The following CBFA2T3 variants were observed in gnomAD, a reference collection of about 807,000 sequenced individuals.
CBFA2T3 encodes the protein transcriptional corepressor CBFA2T3.
A neutral mutation model predicts 58.6 loss-of-function variants in CBFA2T3; 31 were observed. The ratio of observed to expected loss-of-function variants is 0.53; its 90% CI spans 0.40 to 0.71. The LOEUF is 0.71. Among genes scored for constraint, CBFA2T3 ranks in the 30% least tolerant of loss-of-function variants. The pLI is 0.00. For synonymous variants in CBFA2T3, 531 were observed against 421.9 expected, an observed-to-expected ratio of 1.26 and a Z score of -3.17; for missense variants, 1,076 against 963.1, an observed-to-expected ratio of 1.12 and a Z score of -1.55.
rs116472680 is a variant in CBFA2T3 at position 88,890,707 on chromosome 16, T to G, written c.711+1175A>C. ...TCTCCCATGGGAATCACTGGCTTCATTCATTCATTCATTCATTCATTCGTT... is the reference window on the plus strand; with the variant it reads ...TCTCCCATGGGAATCACTGGCTTCAGTCATTCATTCATTCATTCATTCGTT... On this transcript the variant is annotated intron_variant, in intron 5 of 11. Transcript: ENST00000268679. 8.4e-3 allele frequency among the ~76,000 whole-genome samples: 1,245 copies of G among 148,422 alleles called. 23 individuals carry two copies. Among genetic ancestry groups the G allele is most frequent in the African/African-American group, 0.03 (1,184 of 39,966 alleles).
chr16:88,952,475 T>G (rs1972099975), intron 1 of CBFA2T3, among the ~76,000 whole-genome samples: 1 of 151,506 alleles, frequency 6.6e-6, no homozygotes, highest in African/African-American at 2.4e-5. Context: ...GTTGCCGCCC[T>G]CCAGTCCTTC....
At chr16:88,932,036 G>A (rs903786800) in intron 1 of CBFA2T3, among the ~76,000 whole-genome samples, 14 of 152,064 alleles carry the variant, frequency 9.2e-5, no homozygotes, top group Non-Finnish European at 1.6e-4. Context: ...GCATGCACAC[G>A]TGTGCACACC....
intron 1 of CBFA2T3, among the ~76,000 whole-genome samples, chr16:88,909,004 G>A (rs1027933930): frequency 3.3e-5 from 5 of 152,194 alleles, no homozygotes; most frequent in Non-Finnish European, 7.3e-5. Context: ...TTTGGAATAT[G>A]CTCCCGGGGA....
chr16:88,886,237 C>T, intron 5 of CBFA2T3, 95 bp from the exon 6 acceptor site: 1 of 895,828 alleles, frequency 1.1e-6, no homozygotes, highest in Non-Finnish European at 1.6e-6. Flanking sequence ...TGGCCGAAAG[C>T]TCAACTTGAC....
chr16:88,888,588 T>TGGGGGAGGGGG (rs1438066287), intron 5 of CBFA2T3, among the ~76,000 whole-genome samples: 1 of 3,160 alleles, frequency 3.2e-4, no homozygotes, highest in African/African-American at 1.3e-3. Flanking sequence ...GGGGGTGGGG[T>TGGGGGAGGGGG]GGGGTGGGGT....
chr16:88,906,961 G>T (rs1006753802), intron 1 of CBFA2T3, among the ~76,000 whole-genome samples: 4 of 152,352 alleles, frequency 2.6e-5, no homozygotes, highest in Middle Eastern at 3.4e-3. Context: ...CGTACTGGAG[G>T]CTGGGGTGGG....
intron 3 of CBFA2T3, 137 bp from the exon 4 acceptor site, chr16:88,892,622 T>TA: frequency 9.6e-7 from 1 of 1,044,790 alleles, no homozygotes; most frequent in Non-Finnish European, 1.5e-6. Flanking sequence ...ACAAGGACAG[T>TA]AGCGCTGAGG....
At chr16:88,931,019 T>C (rs905552750) in intron 1 of CBFA2T3, among the ~76,000 whole-genome samples, 3 of 151,938 alleles carry the variant, frequency 2.0e-5, no homozygotes, top group African/African-American at 7.3e-5. Context: ...GTTATGTGTA[T>C]TTTCCCACAA....
rs530120472 is a variant in CBFA2T3 at position 88,899,697 on chromosome 16, C to T, written c.305-1545G>A. ...CCCAGGGAAGAGCAGGTGGGGGAGA[C>T]GCACCCTTGAGGGTCTGGGGAACCA... On this transcript the variant is annotated intron_variant, in intron 2 of 11. Transcript: ENST00000268679. Among the ~76,000 whole-genome samples the T allele has an allele frequency of 5.3e-5, 8 of 152,286 alleles. No homozygotes were observed. The South Asian group carries it at 8.3e-4, about 16-fold the overall frequency.
chr16:88,885,279 A>C lies in CBFA2T3; in HGVS notation c.894-10T>G, dbSNP rs753316173. The C allele has an allele frequency of 3.9e-6, 6 of 1,521,608 alleles. No individual in the cohort carries two copies. The highest frequency in any genetic ancestry group is 4.4e-6 in the Non-Finnish European group (5 of 1,130,094). The allele number at this position is 1,521,608 out of a possible 1,614,324, so 94.3% of individuals were successfully genotyped here. A position where few individuals can be genotyped will look rare whatever the true frequency, so the allele number is the denominator to read the frequency against. On this transcript the variant is annotated splice_polypyrimidine_tract_variant and intron_variant, in intron 6 of 11. Transcript: ENST00000268679. The surrounding 1 kb of genome is among the most constrained non-coding windows in gnomAD (Gnocchi z 5.3). ...CCCGTTCTCTTTGGTCCTAGCCCCAAGAGCAGGTGGGGCGAGGGCAGTGGA... is the reference window on the plus strand; with the variant it reads ...CCCGTTCTCTTTGGTCCTAGCCCCACGAGCAGGTGGGGCGAGGGCAGTGGA...
Position 88,901,748 on chromosome 16 carries a change from T to C in CBFA2T3, c.152-92A>G. On this transcript the variant is annotated intron_variant, in intron 1 of 11. Coordinates refer to ENST00000268679, the MANE Select transcript of CBFA2T3 (RefSeq NM_005187.6). ...CCACGGTTCCCAGCGAAGGCCCCAC[T>C]GAGTGTCCGCCCAGCGCTGGGGCAG... 4.2e-6 allele frequency: 5 copies of C among 1,189,210 alleles called. No individual in the cohort carries two copies. The South Asian group carries it at 8.0e-5, about 19-fold the overall frequency. 73.7% of individuals were successfully genotyped at this position (1,189,210 alleles called of 1,614,324 possible).
At chr16:88,895,969 G>T (rs890088544) in intron 3 of CBFA2T3, among the ~76,000 whole-genome samples, 5 of 152,206 alleles carry the variant, frequency 3.3e-5, no homozygotes, top group Non-Finnish European at 7.4e-5. Flanking sequence ...GGACAGCATG[G>T]CAGTGACCTC....
chr16:88,939,564 C>A (rs1971634254), intron 1 of CBFA2T3: 1 of 152,302 alleles, frequency 6.6e-6, no homozygotes, highest in African/African-American at 2.4e-5. Flanking sequence ...ATGGCTTTTC[C>A]AGGCACGGTG....
chr16:88,940,082 C>G (rs1408039476), intron 1 of CBFA2T3: 1 of 153,294 alleles, frequency 6.5e-6, no homozygotes, highest in African/African-American at 2.4e-5. Flanking sequence ...TGACAGCTAC[C>G]GACAAGCCCC....
At chr16:88,900,355 G>A (rs563051434) in intron 2 of CBFA2T3, among the ~76,000 whole-genome samples, 12 of 152,380 alleles carry the variant, frequency 7.9e-5, no homozygotes, top group African/African-American at 2.4e-4. Flanking sequence ...CTGCCTGACC[G>A]CACAGCCAGT....
intron 1 of CBFA2T3, among the ~76,000 whole-genome samples, chr16:88,916,384 G>A (rs1970731837): frequency 6.6e-6 from 1 of 152,026 alleles, no homozygotes; most frequent in Admixed American, 6.5e-5. Flanking sequence ...ATACATGGGG[G>A]TGTATGTATT....
intron 1 of CBFA2T3, among the ~76,000 whole-genome samples, chr16:88,942,458 A>G (rs938939893): frequency 2.6e-5 from 4 of 152,186 alleles, no homozygotes; most frequent in African/African-American, 9.7e-5. Context: ...ATATAAAAAT[A>G]TGGCAACGTG....
intron 7 of CBFA2T3, 79 bp downstream of exon 7, chr16:88,884,967 C>T (rs1969297808): frequency 5.4e-6 from 6 of 1,114,228 alleles, no homozygotes; most frequent in Admixed American, 2.4e-5. Context: ...GCCCTGTGCC[C>T]ACATGCTCAG....
At chr16:88,899,595 C>T (rs141730570) in intron 2 of CBFA2T3, among the ~76,000 whole-genome samples, 1 of 152,138 alleles carries the variant, frequency 6.6e-6, no homozygotes, top group South Asian at 2.1e-4. Flanking sequence ...AGAAGCAGAG[C>T]CCGACGCTCT....
Sources: gnomAD v4.1 joint callset for allele counts (sites outside exome capture counted in the v4.1 genomes callset) on GRCh38, gnomAD v4.1.1 for gene constraint, Gnocchi (gnomAD v3.1) non-coding constraint, MANE v1.5 for transcripts, NCBI Gene and HGNC (gene_info 2026-07-23, HGNC 2026-07-21) for gene names.